Variants in ATL1 observed in about 807,000 individuals in gnomAD.
ATL1 encodes atlastin-1.
Under a neutral mutation model 75.5 loss-of-function variants are expected in ATL1, and 31 were observed. The ratio of observed to expected loss-of-function variants is 0.41; its 90% CI spans 0.31 to 0.55. ATL1 has a LOEUF of 0.55. ATL1 is among the 20% of genes least tolerant of loss of function. The pLI, the probability that ATL1 is intolerant of heterozygous loss-of-function variation, is 0.27. For missense variants in ATL1, 405 were observed against 662.6 expected (o/e 0.61, Z 4.27); for synonymous variants, 226 against 233.3 (o/e 0.97, Z 0.28).
chr14:50,631,325 C>T (rs1042335244), intron 13 of ATL1, among the ~76,000 whole-genome samples: 1 of 150,894 alleles, frequency 6.6e-6, no homozygotes, highest in Admixed American at 6.6e-5. Context: ...TATAGACTCA[C>T]AAATGATAAA....
intron 1 of ATL1, among the ~76,000 whole-genome samples, chr14:50,578,658 G>GATA: frequency 6.6e-6 from 1 of 151,974 alleles, no homozygotes; most frequent in African/African-American, 2.4e-5. Flanking sequence ...TATTTCTTAT[G>GATA]ATATATATTG....
intron 1 of ATL1, 95 bp downstream of exon 1, chr14:50,560,394 G>T: frequency 6.7e-7 from 1 of 1,492,694 alleles, no homozygotes; most frequent in Non-Finnish European, 9.1e-7. Context: ...AGGGCTGCTA[G>T]GTGCCTGCGT....
intron 6 of ATL1, among the ~76,000 whole-genome samples, chr14:50,595,897 C>A (rs1307400012): frequency 6.7e-6 from 1 of 148,658 alleles, no homozygotes. Context: ...TTTTTTTTTT[C>A]CTGAACTCAA....
At chr14:50,580,915 G>GT (rs928267460) in intron 1 of ATL1, among the ~76,000 whole-genome samples, 14 of 151,806 alleles carry the variant, frequency 9.2e-5, no homozygotes, top group East Asian at 5.8e-4. Flanking sequence ...GTCTTATGTG[G>GT]TTTTTTTATA....
intron 6 of ATL1, among the ~76,000 whole-genome samples, chr14:50,602,841 G>A (rs1189441339): frequency 6.6e-6 from 1 of 152,142 alleles, no homozygotes; most frequent in Non-Finnish European, 1.5e-5. Flanking sequence ...TGATGCAGAA[G>A]CAGGTGTTTT....
chr14:50,587,396 TTTTC>T (rs1290468573), intron 1 of ATL1, among the ~76,000 whole-genome samples: 1 of 152,116 alleles, frequency 6.6e-6, no homozygotes, highest in Admixed American at 6.6e-5. Flanking sequence ...CAAACATTTC[TTTTC>T]TTTCTTTCTT....
intron 1 of ATL1, among the ~76,000 whole-genome samples, chr14:50,543,007 C>T (rs1336522678): frequency 6.6e-6 from 1 of 152,174 alleles, no homozygotes; most frequent in Non-Finnish European, 1.5e-5. Flanking sequence ...TGGATGGATT[C>T]TTAAAATTGC....
chr14:50,617,776 G>A (rs1222421000), intron 8 of ATL1, among the ~76,000 whole-genome samples: 1 of 152,188 alleles, frequency 6.6e-6, no homozygotes, highest in East Asian at 1.9e-4. Context: ...CAAGGCCAAA[G>A]CTTATTAATG....
intron 1 of ATL1, among the ~76,000 whole-genome samples, chr14:50,554,140 C>A (rs577302784): frequency 1.3e-5 from 2 of 151,578 alleles, no homozygotes; most frequent in African/African-American, 4.9e-5. Flanking sequence ...AAAACCAATA[C>A]GTACCCTTAG....
At chr14:50,606,009 C>T (rs1284269648) in intron 6 of ATL1, among the ~76,000 whole-genome samples, 1 of 151,960 alleles carries the variant, frequency 6.6e-6, no homozygotes. Context: ...GAAAAAGTAG[C>T]TTGTTTAGAA....
intron 1 of ATL1, among the ~76,000 whole-genome samples, chr14:50,543,750 G>A (rs1411409958): frequency 6.6e-6 from 1 of 152,186 alleles, no homozygotes; most frequent in Admixed American, 6.5e-5. Flanking sequence ...TGAACCAAGA[G>A]GCAGAGGTAG....
At chr14:50,568,439 A>C (rs565146380) in intron 1 of ATL1, among the ~76,000 whole-genome samples, 22 of 152,174 alleles carry the variant, frequency 1.4e-4, no homozygotes, top group Admixed American at 6.5e-4. Flanking sequence ...TTTTCTGTTA[A>C]CTTCTGTGGT....
chr14:50,603,635 GA>G (rs756839273), intron 6 of ATL1, among the ~76,000 whole-genome samples: 1 of 152,090 alleles, frequency 6.6e-6, no homozygotes, highest in Non-Finnish European at 1.5e-5. Context: ...CATGATTTGA[GA>G]ATGTCCATTT....
rs75448325 is a variant in ATL1, at chr14:50,617,878, C to T, written c.863-2721C>T. ...AACATTAGCAAGAGCTCACCACCTA[C>T]GTATGTTATGAATATATTGTTCTTA... On this transcript the variant is annotated intron_variant, in intron 8 of 13. Transcript: ENST00000358385. Among the ~76,000 whole-genome samples the T allele has an allele frequency of 7.2e-3, 1,093 of 152,306 alleles. 21 individuals carry two copies. Among genetic ancestry groups the T allele is most frequent in the East Asian group, 0.065 (339 of 5,186 alleles).
At position 50,618,264 on chromosome 14, in the gene ATL1, A is replaced by G. The variant is rs547388713; in HGVS notation, c.863-2335A>G. ...AAATCATATAGCAAAAAAGAAACCT[A>G]TTAGTGTCAGTGAATACAGATACAT... On this transcript the variant is annotated intron_variant, in intron 8 of 13. Coordinates refer to ENST00000358385, the MANE Select transcript of ATL1 (RefSeq NM_015915.5). Among the ~76,000 whole-genome samples, 27 of 152,328 alleles carry G rather than the reference A, an allele frequency of 1.8e-4. 1 individual carries two copies. The highest frequency in any genetic ancestry group is 6.5e-4 in the African/African-American group (27 of 41,580).
Position 50,546,146 on chromosome 14 carries a change from G to A in ATL1, c.-140+12779G>A, listed in dbSNP as rs7152186. 5.5e-3 allele frequency among the ~76,000 whole-genome samples: 833 copies of A among 152,206 alleles called. 3 individuals carry two copies. The highest frequency in any genetic ancestry group is 8.8e-3 in the Non-Finnish European group (595 of 67,998). On this transcript the variant is annotated intron_variant, in intron 1 of 13. Coordinates refer to the ATL1 transcript ENST00000441560. The stretch of plus-strand genomic sequence containing the variant: ...CATTTGAAACTGAAGAAAAAAAAGA[G>A]GGTAAAAGAAGTTTTTTAAAAAATC...
Position 50,553,308 on chromosome 14 carries a change from C to A in ATL1, c.-139-6819C>A, listed in dbSNP as rs998611039. On this transcript the variant is annotated intron_variant, in intron 1 of 13. Coordinates refer to the ATL1 transcript ENST00000441560. ...AAAGTGGGTAAAGGACATGAATAGA[C>A]AATTCTTGAAAAAATATATACAGAC... Among the ~76,000 whole-genome samples the A allele has an allele frequency of 1.8e-3, 273 of 149,344 alleles. 1 individual carries two copies. Among genetic ancestry groups the A allele is most frequent in the African/African-American group, 6.4e-3 (263 of 40,908 alleles).
chr14:50,619,736 G>A (rs760927450), intron 8 of ATL1, among the ~76,000 whole-genome samples: 2 of 152,080 alleles, frequency 1.3e-5, no homozygotes, highest in Non-Finnish European at 2.9e-5. Context: ...TTGTGTTGCT[G>A]AGTTCCACCA....
chr14:50,628,153 C>T lies in ATL1; in HGVS notation c.1242C>T (p.Ser414=), dbSNP rs773943141. 3 of 1,614,148 alleles carry T rather than the reference C, an allele frequency of 1.9e-6. No individual in the cohort carries two copies. The highest frequency in any genetic ancestry group is 1.7e-5 in the Admixed American group (1 of 60,016). ...AGAAGATGGGTGGGGAAGAATTTAG[C>T]CGGCGTTACCTGCAGCAGTTGGAGA... ...GVKKMGGEEF[S]RRYLQQLESE... Residue 414 remains serine, a synonymous_variant, in exon 12 of 14, where the codon AGC becomes AGT. Transcript: ENST00000358385.
Sources: gnomAD v4.1 joint callset for allele counts (sites outside exome capture counted in the v4.1 genomes callset) on GRCh38, gnomAD v4.1.1 for gene constraint, MANE v1.5 for transcripts, NCBI Gene and HGNC (gene_info 2026-07-23, HGNC 2026-07-21) for gene names.